GLDC: variants seen among roughly 807,000 people sequenced by gnomAD.
GLDC encodes the protein glycine decarboxylase.
Under a neutral mutation model 121.3 loss-of-function variants are expected in GLDC, and 104 were observed. That is an observed-to-expected ratio of 0.86 (90% CI 0.73 to 1.01). GLDC has a LOEUF of 1.01. GLDC is among the 50% of genes least tolerant of loss of function. The probability of loss-of-function intolerance (pLI) is 0.00; values close to 1 mark genes in which losing one functional copy is unlikely to be tolerated. For missense variants in GLDC, 1,429 were observed against 1,306.6 expected (o/e 1.09, Z -1.44); for synonymous variants, 546 against 480.6 (o/e 1.14, Z -1.78).
chr9:6,609,257 A>G (rs1047234006), intron 4 of GLDC, among the ~76,000 whole-genome samples: 3 of 152,220 alleles, frequency 2.0e-5, no homozygotes, highest in African/African-American at 7.2e-5. Context: ...GGAAATAATC[A>G]GAAGTTTTGA....
intron 15 of GLDC, among the ~76,000 whole-genome samples, chr9:6,572,623 G>A (rs1817988828): frequency 1.3e-5 from 2 of 152,146 alleles, no homozygotes; most frequent in South Asian, 4.1e-4. Flanking sequence ...GAATCTGGAT[G>A]GACAGACCAA....
intron 22 of GLDC, among the ~76,000 whole-genome samples, chr9:6,538,873 C>T (rs748198417): frequency 3.3e-5 from 5 of 152,130 alleles, no homozygotes; most frequent in Admixed American, 2.6e-4. Context: ...CAAGAGTTGC[C>T]AAGCAGAGAT....
intron 2 of GLDC, among the ~76,000 whole-genome samples, chr9:6,643,947 T>C (rs1176597866): frequency 1.4e-5 from 2 of 138,122 alleles, no homozygotes; most frequent in East Asian, 2.3e-4. Context: ...GGCAGGAGAA[T>C]TGCTTGAACC....
At chr9:6,586,149 G>T (rs1355548925) in intron 15 of GLDC, among the ~76,000 whole-genome samples, 1 of 152,020 alleles carries the variant, frequency 6.6e-6, no homozygotes, top group Non-Finnish European at 1.5e-5. Context: ...TACAAAATTA[G>T]CCAGGTGTGG....
intron 20 of GLDC, among the ~76,000 whole-genome samples, chr9:6,552,387 G>A (rs1385170450): frequency 1.3e-5 from 2 of 152,158 alleles, no homozygotes; most frequent in East Asian, 1.9e-4. Context: ...AGATCAAAAG[G>A]GAAGTGGAAT....
chr9:6,590,112 T>G (rs113032090), intron 11 of GLDC, among the ~76,000 whole-genome samples: 6 of 152,146 alleles, frequency 3.9e-5, no homozygotes, highest in African/African-American at 1.4e-4. Context: ...TGGCAATGGT[T>G]TCTTAAATGT....
intron 15 of GLDC, among the ~76,000 whole-genome samples, chr9:6,576,690 C>G (rs561902991): frequency 4.0e-4 from 61 of 152,304 alleles, no homozygotes; most frequent in Non-Finnish European, 7.5e-4. Flanking sequence ...TGGTCTCAAA[C>G]TCCTGATCTC....
chr9:6,553,392 C>G lies in GLDC; in HGVS notation c.2433G>C (p.Leu811Phe), dbSNP rs1817555075. 3 of 1,613,996 alleles carry G rather than the reference C, an allele frequency of 1.9e-6. No homozygotes were observed. The highest frequency in any genetic ancestry group is 1.3e-5 in the African/African-American group (1 of 74,926). Residue 811 changes from leucine (L) to phenylalanine (F), a missense_variant, in exon 20 of 25, where the codon TTG (leucine) becomes TTC (phenylalanine). Leu to Phe is a conservative substitution (Grantham distance 22). Transcript: ENST00000321612. ...CCTTGATATAAGCCCAGGAAATGGG[C>G]AAGATGGAACTGGAGCCCCATGGGG... ...SAAPWGSSSI[L>F]PISWAYIKMM...
intron 15 of GLDC, among the ~76,000 whole-genome samples, chr9:6,586,062 G>A (rs1397127963): frequency 2.0e-5 from 3 of 152,074 alleles, no homozygotes; most frequent in East Asian, 3.9e-4. Context: ...TTGGGAGGCC[G>A]AGCCAGGCGG....
rs528041339 is a variant in GLDC, at chr9:6,619,216, C to A, written c.470+968G>T. Among the ~76,000 whole-genome samples, 13 of 140,500 alleles carry A rather than the reference C, an allele frequency of 9.3e-5. No individual in the cohort carries two copies. In the South Asian group the frequency reaches 3.0e-3, roughly 32 times the overall value. The allele number at this position is 140,500 out of a possible 152,430, so 92.2% of individuals were successfully genotyped here. Reference sequence around the variant, plus strand: ...GACTTATCTAACTGTTGAGGTAAGACTGGAATAAGTAACTGAGCATGCATA... The same window carrying A: ...GACTTATCTAACTGTTGAGGTAAGAATGGAATAAGTAACTGAGCATGCATA... On this transcript the variant is annotated intron_variant, in intron 3 of 24. Coordinates refer to ENST00000321612, the MANE Select transcript of GLDC (RefSeq NM_000170.3).
At chr9:6,558,537 C>T (rs767931187) in intron 17 of GLDC, 22 bp downstream of exon 17, 3 of 1,613,910 alleles carry the variant, frequency 1.9e-6, no homozygotes, top group Non-Finnish European at 2.5e-6. Flanking sequence ...CCTCTCCCAT[C>T]TGCTAAGGAG....
At chr9:6,536,306 G>A (rs554367188) in intron 22 of GLDC, 70 bp from the exon 23 acceptor site, 33 of 1,257,856 alleles carry the variant, frequency 2.6e-5, no homozygotes, top group Middle Eastern at 1.8e-4. Context: ...AGAAAAGTTC[G>A]TATCCCTTCT....
At chr9:6,624,540 A>G (rs1819191444) in intron 2 of GLDC, among the ~76,000 whole-genome samples, 1 of 152,208 alleles carries the variant, frequency 6.6e-6, no homozygotes, top group Non-Finnish European at 1.5e-5. Context: ...ATTTCTGACT[A>G]CGGAACTGGG....
intron 4 of GLDC, among the ~76,000 whole-genome samples, chr9:6,608,209 C>G (rs1396781302): frequency 1.3e-5 from 2 of 150,266 alleles, no homozygotes; most frequent in African/African-American, 2.5e-5. Context: ...GTCAGGAGAT[C>G]GAGACCCTCC....
At chr9:6,621,780 T>C (rs182203666) in intron 2 of GLDC, among the ~76,000 whole-genome samples, 1 of 152,188 alleles carries the variant, frequency 6.6e-6, no homozygotes, top group Non-Finnish European at 1.5e-5. Flanking sequence ...CCTCCCAAAG[T>C]GCTGGGATTA....
intron 9 of GLDC, among the ~76,000 whole-genome samples, chr9:6,594,298 A>G (rs943761071): frequency 1.3e-5 from 2 of 151,922 alleles, no homozygotes; most frequent in African/African-American, 4.8e-5. Flanking sequence ...CTATTTTTCT[A>G]TTAGGGTGTT....
chr9:6,634,169 G>T (rs995974369), intron 2 of GLDC, among the ~76,000 whole-genome samples: 3 of 151,984 alleles, frequency 2.0e-5, no homozygotes, highest in Admixed American at 1.3e-4. Flanking sequence ...GGAGGCTGCG[G>T]TAAGCCAGGA....
Position 6,610,348 on chromosome 9 carries a change from T to C in GLDC, c.479A>G (p.Gln160Arg). The change falls in exon 4 of 25, where the codon CAG becomes CGG. Residue 160 changes from glutamine (Q) to arginine (R), a missense_variant. Gln to Arg is a conservative substitution (Grantham distance 43, BLOSUM62 1). Coordinates refer to ENST00000321612, the MANE Select transcript of GLDC (RefSeq NM_000170.3). ...NLLENSGWIT[Q>R]YTPYQPEVSQ... ...CACCTCAGGCTGGTATGGAGTATACTGGGTGATCCTGCAAGGGAAACAAAA... is the reference window on the plus strand; with the variant it reads ...CACCTCAGGCTGGTATGGAGTATACCGGGTGATCCTGCAAGGGAAACAAAA... 3.1e-6 allele frequency: 5 copies of C among 1,614,044 alleles called. No homozygotes were observed. Among genetic ancestry groups the C allele is most frequent in the Non-Finnish European group, 4.2e-6 (5 of 1,179,912 alleles).
intron 8 of GLDC, among the ~76,000 whole-genome samples, chr9:6,599,688 G>A (rs1292798878): frequency 1.4e-5 from 2 of 145,810 alleles, no homozygotes; most frequent in African/African-American, 2.6e-5. Context: ...GCCGCTGCAT[G>A]CCAGCCTGGG....
Sources: allele counts gnomAD v4.1 joint callset (sites outside exome capture counted in the v4.1 genomes callset), GRCh38; gene constraint gnomAD v4.1.1; transcripts MANE v1.5; gene names NCBI Gene and HGNC (gene_info 2026-07-23, HGNC 2026-07-21).